Variants in FANCC observed in about 807,000 individuals in gnomAD.
FANCC encodes the protein Fanconi anemia group C protein.
In FANCC, 55 loss-of-function variants were observed where a neutral mutation model predicts 71.3. The ratio of observed to expected loss-of-function variants is 0.77; its 90% CI spans 0.62 to 0.97. FANCC has a LOEUF of 0.97. Ranked by LOEUF, FANCC falls within the 50% of genes least tolerant of loss-of-function variation. The probability of loss-of-function intolerance (pLI) is 0.00; values close to 1 mark genes in which losing one functional copy is unlikely to be tolerated. For missense variants in FANCC, 678 were observed against 670.9 expected (o/e 1.01, Z -0.12); for synonymous variants, 275 against 244.9 (o/e 1.12, Z -1.15).
chr9:95,252,973 G>C (rs150397748), intron 1 of FANCC, among the ~76,000 whole-genome samples: 1 of 151,608 alleles, frequency 6.6e-6, no homozygotes, highest in African/African-American at 2.4e-5. Flanking sequence ...CAGGAGGATC[G>C]CTTGGACCCA....
intron 4 of FANCC, among the ~76,000 whole-genome samples, chr9:95,186,206 T>C (rs557445674): frequency 1.3e-5 from 2 of 152,318 alleles, no homozygotes; most frequent in East Asian, 3.9e-4. Context: ...ATAAACTACA[T>C]ATTGGTCAAG....
intron 1 of FANCC, among the ~76,000 whole-genome samples, chr9:95,276,981 A>AG (rs1833078710): frequency 6.6e-6 from 1 of 152,242 alleles, no homozygotes; most frequent in African/African-American, 2.4e-5. Context: ...TTCTGTTTTT[A>AG]GCACTGGTAT....
intron 1 of FANCC, among the ~76,000 whole-genome samples, chr9:95,290,036 T>C (rs1833913438): frequency 6.6e-6 from 1 of 152,218 alleles, no homozygotes; most frequent in Non-Finnish European, 1.5e-5. Flanking sequence ...TTGGTCTTCA[T>C]GTCATCCAAC....
chr9:95,198,096 C>A (rs970088076), intron 4 of FANCC, among the ~76,000 whole-genome samples: 2 of 152,088 alleles, frequency 1.3e-5, no homozygotes, highest in Middle Eastern at 3.2e-3. Context: ...TGTTAAAGGC[C>A]CCTAAGCCAG....
At chr9:95,198,078 CT>C (rs1827570655) in intron 4 of FANCC, among the ~76,000 whole-genome samples, 1 of 152,124 alleles carries the variant, frequency 6.6e-6, no homozygotes, top group South Asian at 2.1e-4. Context: ...AGAGTCTTGG[CT>C]CAGAGGTGTT....
intron 1 of FANCC, among the ~76,000 whole-genome samples, chr9:95,313,418 C>T (rs1419037610): frequency 2.0e-5 from 3 of 152,204 alleles, no homozygotes; most frequent in Admixed American, 1.3e-4. Context: ...GCCAGGTGCG[C>T]GCACGACAAC....
At chr9:95,123,145 A>T (rs1204773115) in intron 10 of FANCC, among the ~76,000 whole-genome samples, 6 of 152,026 alleles carry the variant, frequency 3.9e-5, no homozygotes, top group East Asian at 3.9e-4. Flanking sequence ...ACAAAAAAAA[A>T]TTTAAAAATT....
chr9:95,178,645 T>C (rs1394247962), intron 4 of FANCC, among the ~76,000 whole-genome samples: 1 of 152,272 alleles, frequency 6.6e-6, no homozygotes, highest in Admixed American at 6.5e-5. Flanking sequence ...TCTGTGCGTC[T>C]GTGTTTCTCC....
intron 6 of FANCC, among the ~76,000 whole-genome samples, chr9:95,169,235 T>G (rs1313163420): frequency 6.6e-6 from 1 of 152,146 alleles, no homozygotes; most frequent in Non-Finnish European, 1.5e-5. Flanking sequence ...GGAAAAAAAT[T>G]TCTGTTAGTT....
intron 6 of FANCC, among the ~76,000 whole-genome samples, chr9:95,157,499 G>C (rs1172182464): frequency 6.6e-6 from 1 of 152,158 alleles, no homozygotes; most frequent in Non-Finnish European, 1.5e-5. Context: ...CTATGGTTTG[G>C]GGCAGATGGT....
chr9:95,286,180 C>A (rs1161518392), intron 1 of FANCC, among the ~76,000 whole-genome samples: 1 of 152,188 alleles, frequency 6.6e-6, no homozygotes, highest in Non-Finnish European at 1.5e-5. Context: ...CAACAGTTTT[C>A]TTTGTGTAAT....
chr9:95,242,136 A>G (rs1830667423), intron 3 of FANCC, among the ~76,000 whole-genome samples: 1 of 152,224 alleles, frequency 6.6e-6, no homozygotes, highest in Non-Finnish European at 1.5e-5. Context: ...ACATCTCTGA[A>G]AAAACTTTAT....
At chr9:95,163,944 C>T (rs748081488) in intron 6 of FANCC, among the ~76,000 whole-genome samples, 12 of 152,342 alleles carry the variant, frequency 7.9e-5, no homozygotes, top group East Asian at 3.9e-4. Flanking sequence ...TATTTAATTT[C>T]TTTTAGCAAT....
At chr9:95,168,720 G>A (rs546852045) in intron 6 of FANCC, among the ~76,000 whole-genome samples, 31 of 152,254 alleles carry the variant, frequency 2.0e-4, no homozygotes, top group African/African-American at 7.2e-4. Flanking sequence ...GTAGAGATGC[G>A]GTTTTGACAT....
intron 4 of FANCC, among the ~76,000 whole-genome samples, chr9:95,190,807 CA>C (rs1360317574): frequency 6.6e-6 from 1 of 152,242 alleles, no homozygotes; most frequent in African/African-American, 2.4e-5. Context: ...CATTTTTAGA[CA>C]CTGGAGACCT....
intron 4 of FANCC, among the ~76,000 whole-genome samples, chr9:95,215,316 A>T (rs1304535997): frequency 6.6e-6 from 1 of 152,142 alleles, no homozygotes; most frequent in Non-Finnish European, 1.5e-5. Context: ...GTCTCTGAAG[A>T]GGTAAGGAGA....
intron 4 of FANCC, among the ~76,000 whole-genome samples, chr9:95,211,834 C>T (rs1218282200): frequency 2.1e-5 from 3 of 140,140 alleles, no homozygotes; most frequent in Non-Finnish European, 3.1e-5. Flanking sequence ...TAAAGAAAAA[C>T]ATAATCAGGA....
intron 5 of FANCC, among the ~76,000 whole-genome samples, chr9:95,171,824 T>C (rs1021487872): frequency 6.6e-6 from 1 of 152,198 alleles, no homozygotes; most frequent in Non-Finnish European, 1.5e-5. Context: ...GATTGGTTGG[T>C]TTAGGAAAAC....
intron 6 of FANCC, among the ~76,000 whole-genome samples, chr9:95,157,088 C>T (rs1219709216): frequency 6.6e-6 from 1 of 152,146 alleles, no homozygotes; most frequent in East Asian, 1.9e-4. Context: ...AGCTCCCAAA[C>T]TTAAGCACCA....
Sources: gnomAD v4.1 joint callset for allele counts (sites outside exome capture counted in the v4.1 genomes callset) on GRCh38, gnomAD v4.1.1 for gene constraint, MANE v1.5 for transcripts, NCBI Gene and HGNC (gene_info 2026-07-23, HGNC 2026-07-21) for gene names.